The following CNTNAP4 variants were observed in gnomAD, a reference collection of about 807,000 sequenced individuals.
CNTNAP4 encodes contactin-associated protein-like 4.
CNTNAP4 carries 98 observed loss-of-function variants against 148.4 expected under a neutral mutation model. The ratio of observed to expected loss-of-function variants is 0.66; its 90% CI spans 0.56 to 0.78. The LOEUF is 0.78. CNTNAP4 is among the 30% of genes least tolerant of loss of function. CNTNAP4 has a pLI of 0.00. For synonymous variants in CNTNAP4, 730 were observed against 565.1 expected (o/e 1.29, Z -4.14); for missense variants, 1,935 against 1,565.6 (o/e 1.24, Z -3.98).
At chr16:76,540,041 T>C (rs2084382976) in intron 20 of CNTNAP4, among the ~76,000 whole-genome samples, 189 bp downstream of exon 20, 1 of 152,156 alleles carries the variant, frequency 6.6e-6, no homozygotes. Flanking sequence ...ATTATTAACA[T>C]CGGATACTTT....
At position 76,448,896 on chromosome 16, in the gene CNTNAP4, A is replaced by G. The variant is rs1300270863; in HGVS notation, c.872A>G (p.His291Arg). Residue 291 changes from histidine to arginine, a missense_variant, in exon 6 of 24, where the codon CAC becomes CGC. His to Arg is a conservative substitution (Grantham distance 29). Coordinates refer to ENST00000611870, the MANE Select transcript of CNTNAP4 (RefSeq NM_033401.5). ...CAAGTCAACTTCACAGTGGACGAAC[A>G]CAGGCATCATTTCCATGCACGGGGA... ...GKQVNFTVDE[H>R]RHHFHARGEF... is the part of the protein sequence containing the mutation. The G allele has an allele frequency of 1.2e-5, 19 of 1,613,724 alleles. No individual in the cohort carries two copies. The highest frequency in any genetic ancestry group is 1.5e-5 in the Non-Finnish European group (18 of 1,179,868).
rs1478528421 is a variant in CNTNAP4 at position 76,372,341 on chromosome 16, A to G, written c.390+16830A>G. On this transcript the variant is annotated intron_variant, in intron 3 of 23. Coordinates refer to ENST00000611870, the MANE Select transcript of CNTNAP4 (RefSeq NM_033401.5). The stretch of plus-strand genomic sequence containing the variant: ...TTTTTTGTATTTTTAGTAGAGACAG[A>G]GTTTCACTGTGTTAGCCAGGATGGT... Among the ~76,000 whole-genome samples the G allele has an allele frequency of 2.2e-3, 324 of 149,188 alleles. 2 individuals carry two copies. Among genetic ancestry groups the G allele is most frequent in the African/African-American group, 7.3e-3 (298 of 40,550 alleles).
chr16:76,350,982 G>T (rs1248800232), intron 2 of CNTNAP4, among the ~76,000 whole-genome samples: 1 of 152,044 alleles, frequency 6.6e-6, no homozygotes, highest in African/African-American at 2.4e-5. Context: ...ACTGGTGGGG[G>T]CAAGACTCTT....
Position 76,277,649 on chromosome 16 carries a change from C to T in CNTNAP4, c.-14C>T, listed in dbSNP as rs1443711872. ...CCTCTCAAGATCTTTTGGGGGAGCCCAATAAATGTGAACATGGGATCTGTC... is the reference window on the plus strand; with the variant it reads ...CCTCTCAAGATCTTTTGGGGGAGCCTAATAAATGTGAACATGGGATCTGTC... On this transcript the variant is annotated 5_prime_UTR_variant, in exon 1 of 24. Transcript: ENST00000611870. 6.3e-7 allele frequency: 1 copy of T among 1,583,054 alleles called. No homozygotes were observed. Among genetic ancestry groups the T allele is most frequent in the Non-Finnish European group, 8.6e-7 (1 of 1,160,030 alleles).
Position 76,318,084 on chromosome 16 carries a change from T to A in CNTNAP4, c.196+1561T>A, listed in dbSNP as rs1202813536. Among the ~76,000 whole-genome samples the A allele has an allele frequency of 4.6e-5, 7 of 152,312 alleles. No homozygotes were observed. In the East Asian group the frequency reaches 1.4e-3, roughly 29 times the overall value. ...CCCATCAGGGGACTTTCCTAGCCTC[T>A]CTGATGGCCATTCCAGGCCCTGTAC... On this transcript the variant is annotated intron_variant, in intron 2 of 23. Transcript: ENST00000611870.
At chr16:76,335,912 C>G (rs1963983690) in intron 2 of CNTNAP4, among the ~76,000 whole-genome samples, 1 of 152,098 alleles carries the variant, frequency 6.6e-6, no homozygotes, top group Non-Finnish European at 1.5e-5. Context: ...AACAGACCAA[C>G]ACAGAGCAGA....
intron 3 of CNTNAP4, among the ~76,000 whole-genome samples, chr16:76,419,422 A>C (rs549197778): frequency 6.6e-6 from 1 of 152,124 alleles, no homozygotes; most frequent in African/African-American, 2.4e-5. Flanking sequence ...GTCTTTTTCT[A>C]ATCTTCATAG....
intron 3 of CNTNAP4, among the ~76,000 whole-genome samples, chr16:76,361,852 A>C (rs981033391): frequency 6.6e-6 from 1 of 152,098 alleles, no homozygotes; most frequent in Non-Finnish European, 1.5e-5. Context: ...TCCTTGTTTA[A>C]ATGACAGATA....
At chr16:76,353,109 C>T (rs940282866) in intron 2 of CNTNAP4, among the ~76,000 whole-genome samples, 8 of 152,054 alleles carry the variant, frequency 5.3e-5, no homozygotes, top group African/African-American at 9.7e-5. Flanking sequence ...AAAGTCAAAA[C>T]GCATAAACAA....
chr16:76,515,829 A>G (rs1372747960), intron 15 of CNTNAP4, among the ~76,000 whole-genome samples: 3 of 152,134 alleles, frequency 2.0e-5, no homozygotes, highest in Admixed American at 2.0e-4. Flanking sequence ...AACACAAAAT[A>G]CTGGTCAGTA....
At chr16:76,283,565 A>T (rs1958770422) in intron 1 of CNTNAP4, among the ~76,000 whole-genome samples, 1 of 152,042 alleles carries the variant, frequency 6.6e-6, no homozygotes, top group Non-Finnish European at 1.5e-5. Flanking sequence ...GGAACAGAAA[A>T]CCAAATACTG....
chr16:76,396,831 C>T (rs1185443020), intron 3 of CNTNAP4, among the ~76,000 whole-genome samples: 2 of 152,198 alleles, frequency 1.3e-5, no homozygotes, highest in African/African-American at 4.8e-5. Flanking sequence ...CAAACATCCA[C>T]ATCTCTCAGA....
In CNTNAP4 at chr16:76,521,298, A is replaced by G; in HGVS notation, c.2524A>G (p.Ile842Val). 6.2e-7 allele frequency: 1 copy of G among 1,607,584 alleles called. No individual in the cohort carries two copies. Residue 842 changes from isoleucine to valine, a missense_variant, in exon 16 of 24, where the codon ATA (isoleucine) becomes GTA (valine). Coordinates refer to ENST00000611870, the MANE Select transcript of CNTNAP4 (RefSeq NM_033401.5). ...CTTGGGGATTGCTGATTTTATACGG[A>G]TAGAGCTTCGCTGTAAGTCTCCTTT... ...ENLGIADFIR[I>V]ELRSPTVVTF...
intron 17 of CNTNAP4, among the ~76,000 whole-genome samples, chr16:76,522,701 C>CTTTTCTTTTCTTTTCTTTTCTTTTCTT (rs2083527676): frequency 4.5e-5 from 1 of 22,152 alleles, no homozygotes; most frequent in Non-Finnish European, 7.9e-5. Context: ...CTTTTCTTTT[C>CTTTTCTTTTCTTTTCTTTTCTTTTCTT]TTTTCTTTTC....
chr16:76,325,059 C>A lies in CNTNAP4; in HGVS notation c.196+8536C>A, dbSNP rs558968910. On this transcript the variant is annotated intron_variant, in intron 2 of 23. Transcript: ENST00000611870. ...CCAGCCCTCGGGGGCAAAGATCCCCCCAAAAAGGAAATATCATGTAGTGAG... is the reference window on the plus strand; with the variant it reads ...CCAGCCCTCGGGGGCAAAGATCCCCACAAAAAGGAAATATCATGTAGTGAG... 2.6e-5 allele frequency among the ~76,000 whole-genome samples: 4 copies of A among 152,100 alleles called. No individual in the cohort carries two copies. In the East Asian group the frequency reaches 7.7e-4, roughly 29 times the overall value.
At chr16:76,401,266 C>G (rs199827663) in intron 3 of CNTNAP4, among the ~76,000 whole-genome samples, 1 of 152,056 alleles carries the variant, frequency 6.6e-6, no homozygotes. Flanking sequence ...CCCTGGTTAG[C>G]TGTATTCCTA....
At chr16:76,457,325 A>G (rs535865326) in intron 8 of CNTNAP4, among the ~76,000 whole-genome samples, 1 of 152,370 alleles carries the variant, frequency 6.6e-6, no homozygotes. Context: ...TCCAATTGAC[A>G]GGTATTAAGT....
intron 3 of CNTNAP4, among the ~76,000 whole-genome samples, chr16:76,364,077 G>C (rs62051169): frequency 0.26 from 39,656 of 151,220 alleles, 5,939 homozygotes; most frequent in Non-Finnish European, 0.34. Flanking sequence ...TATCTATTAA[G>C]AATACAAAAA....
At chr16:76,311,273 C>G (rs1330515487) in intron 1 of CNTNAP4, among the ~76,000 whole-genome samples, 1 of 152,064 alleles carries the variant, frequency 6.6e-6, no homozygotes, top group Non-Finnish European at 1.5e-5. Context: ...AATTAAGATG[C>G]AAGCTATAGT....
Sources: gnomAD v4.1 joint callset for allele counts (sites outside exome capture counted in the v4.1 genomes callset) on GRCh38, gnomAD v4.1.1 for gene constraint, MANE v1.5 for transcripts, NCBI Gene and HGNC (gene_info 2026-07-23, HGNC 2026-07-21) for gene names.